The following MYO10 variants were observed in gnomAD, a reference collection of about 807,000 sequenced individuals.
The protein encoded by MYO10 is myosin X.
Under a neutral mutation model 257.3 loss-of-function variants are expected in MYO10, and 133 were observed. The ratio of observed to expected loss-of-function variants is 0.52; its 90% CI spans 0.45 to 0.60. The LOEUF (loss-of-function observed/expected upper bound fraction) is 0.60. Among genes scored for constraint, MYO10 ranks in the 20% least tolerant of loss-of-function variants. MYO10 has a pLI of 0.00. For synonymous variants in MYO10, 1,104 were observed against 1,028.6 expected, an observed-to-expected ratio of 1.07 and a Z score of -1.40; for missense variants, 2,399 against 2,635.7, an observed-to-expected ratio of 0.91 and a Z score of 1.97.
At chr5:16,792,746 G>A (rs1449688574) in intron 4 of MYO10, among the ~76,000 whole-genome samples, 2 of 152,156 alleles carry the variant, frequency 1.3e-5, no homozygotes, top group Non-Finnish European at 2.9e-5. Context: ...ATTCGGGGCT[G>A]CAGTGCTCAC....
In MYO10 at chr5:16,818,123, A is replaced by G; in HGVS notation, c.165T>C (p.Thr55=). Residue 55 remains threonine, a synonymous_variant, in exon 3 of 41, where the codon ACT becomes ACC. Transcript: ENST00000513610. The part of the protein sequence containing the change: ...KQSTITHQKV[T]AMHPTNEEGV... ...CCTCCTCGTTCGTGGGGTGCATAGC[A>G]GTCACCTTCTGGTGGGTAATTGTGC... The G allele has an allele frequency of 6.2e-7, 1 of 1,607,590 alleles. No individual in the cohort carries two copies. Among genetic ancestry groups the G allele is most frequent in the Non-Finnish European group, 8.5e-7 (1 of 1,175,380 alleles).
intron 19 of MYO10, among the ~76,000 whole-genome samples, chr5:16,727,480 T>C (rs1739415632): frequency 6.6e-6 from 1 of 152,096 alleles, no homozygotes; most frequent in Non-Finnish European, 1.5e-5. Context: ...TTTTCAAAGA[T>C]AAAAAACAAT....
At chr5:16,670,466 G>T in intron 39 of MYO10, 60 bp downstream of exon 39, 1 of 1,431,768 alleles carries the variant, frequency 7.0e-7, no homozygotes, top group Non-Finnish European at 9.5e-7. Flanking sequence ...ACTTGGCCGT[G>T]ATCCATGTTC....
intron 39 of MYO10, among the ~76,000 whole-genome samples, chr5:16,669,170 T>C (rs558924235): frequency 1.3e-5 from 2 of 152,252 alleles, no homozygotes; most frequent in African/African-American, 4.8e-5. Flanking sequence ...ATATCCCTAA[T>C]AACCAGACAT....
At chr5:16,768,425 C>CT (rs1380638505) in intron 10 of MYO10, among the ~76,000 whole-genome samples, 1 of 152,092 alleles carries the variant, frequency 6.6e-6, no homozygotes, top group Non-Finnish European at 1.5e-5. Context: ...TTCTACCATG[C>CT]TGGCACTCAA....
At chr5:16,911,508 G>T (rs1745655576) in intron 1 of MYO10, among the ~76,000 whole-genome samples, 1 of 151,944 alleles carries the variant, frequency 6.6e-6, no homozygotes, top group East Asian at 1.9e-4. Flanking sequence ...GAGGCGGGGG[G>T]ATCCCTTGAG....
chr5:16,881,094 C>A (rs180949587), intron 1 of MYO10, among the ~76,000 whole-genome samples: 1 of 152,324 alleles, frequency 6.6e-6, no homozygotes, highest in African/African-American at 2.4e-5. Context: ...CCCAGTGTAA[C>A]TCCAACCCAG....
At chr5:16,903,937 A>G (rs1017235152) in intron 1 of MYO10, among the ~76,000 whole-genome samples, 8 of 152,296 alleles carry the variant, frequency 5.3e-5, no homozygotes, top group Non-Finnish European at 7.4e-5. Flanking sequence ...GGTCAGCGTC[A>G]TTGTCCTCTG....
intron 18 of MYO10, among the ~76,000 whole-genome samples, chr5:16,755,325 C>G (rs1325055152): frequency 1.3e-5 from 2 of 152,202 alleles, no homozygotes; most frequent in Non-Finnish European, 2.9e-5. Flanking sequence ...GCCACCATGC[C>G]CGGAGAATTT....
intron 2 of MYO10, among the ~76,000 whole-genome samples, chr5:16,831,685 C>T (rs533358247): frequency 1.1e-4 from 16 of 152,014 alleles, no homozygotes; most frequent in Non-Finnish European, 1.8e-4. Flanking sequence ...GATGCAAAGG[C>T]GTAAGAATGA....
intron 21 of MYO10, among the ~76,000 whole-genome samples, chr5:16,708,109 T>C (rs1188140276): frequency 6.6e-6 from 1 of 152,246 alleles, no homozygotes; most frequent in African/African-American, 2.4e-5. Context: ...GCTTTGATGT[T>C]TGCATTTACT....
intron 2 of MYO10, among the ~76,000 whole-genome samples, chr5:16,823,709 T>A (rs1442503276): frequency 6.7e-6 from 1 of 149,532 alleles, no homozygotes; most frequent in Non-Finnish European, 1.5e-5. Context: ...CCTGACCTCG[T>A]GATCTGCCCG....
intron 19 of MYO10, among the ~76,000 whole-genome samples, chr5:16,735,806 T>C (rs1199100219): frequency 6.6e-6 from 1 of 152,094 alleles, no homozygotes; most frequent in South Asian, 2.1e-4. Context: ...TATCTTGGCA[T>C]CATGAACTAT....
At chr5:16,697,426 G>A (rs1016484164) in intron 26 of MYO10, among the ~76,000 whole-genome samples, 1 of 152,216 alleles carries the variant, frequency 6.6e-6, no homozygotes, top group Non-Finnish European at 1.5e-5. Flanking sequence ...TCATGGCTGG[G>A]CGCGGTGGCT....
intron 1 of MYO10, among the ~76,000 whole-genome samples, chr5:16,906,802 C>T (rs1745531356): frequency 6.6e-6 from 1 of 152,152 alleles, no homozygotes; most frequent in Non-Finnish European, 1.5e-5. Context: ...AGCCCCTTGG[C>T]TGATGTGGAG....
At position 16,674,964 on chromosome 5, in the gene MYO10, G is replaced by A; in HGVS notation, c.4853C>T (p.Pro1618Leu). ...CAGGTTGCCCACACTGCCGGGGTGG[G>A]GCACTTTGTTGGTCTGTTTGATAAG... ...CQLIKQTNKV[P>L]HPGSVGNLYS... is the part of the protein sequence containing the mutation. The change falls in exon 35 of 41, where the codon CCC (proline) becomes CTC (leucine). Residue 1618 changes from proline (P) to leucine (L), a missense_variant. Around this residue, in one of 3 missense-constraint regions of MYO10, gnomAD observed 1,820 missense variants for 1,939.4 expected, o/e 0.94. Transcript: ENST00000513610. The A allele has an allele frequency of 6.2e-7, 1 of 1,614,004 alleles. No homozygotes were observed. The highest frequency in any genetic ancestry group is 8.5e-7 in the Non-Finnish European group (1 of 1,179,896).
intron 2 of MYO10, among the ~76,000 whole-genome samples, chr5:16,844,245 G>C (rs1460346351): frequency 6.7e-6 from 1 of 150,342 alleles, no homozygotes; most frequent in East Asian, 1.9e-4. Flanking sequence ...TTTTTTCTTT[G>C]AATAATTATT....
intron 19 of MYO10, among the ~76,000 whole-genome samples, chr5:16,716,209 A>G (rs539250649): frequency 2.0e-5 from 3 of 152,150 alleles, no homozygotes; most frequent in Non-Finnish European, 2.9e-5. Flanking sequence ...ACCAAAAATA[A>G]GTAGAAATAC....
At chr5:16,880,068 T>C (rs1263487981) in intron 1 of MYO10, among the ~76,000 whole-genome samples, 2 of 152,144 alleles carry the variant, frequency 1.3e-5, no homozygotes, top group East Asian at 3.9e-4. Flanking sequence ...TAATCCCAGC[T>C]TCTCAGGAGG....
Sources: gnomAD v4.1 joint callset for allele counts (sites outside exome capture counted in the v4.1 genomes callset) on GRCh38, gnomAD v4.1.1 for gene constraint, gnomAD v4.1.1 regional missense constraint, MANE v1.5 for transcripts, NCBI Gene and HGNC (gene_info 2026-07-23, HGNC 2026-07-21) for gene names.